AGBL1: variants seen among roughly 807,000 people sequenced by gnomAD.
AGBL1 encodes the protein cytosolic carboxypeptidase 4.
AGBL1 carries 130 observed loss-of-function variants against 118.9 expected under a neutral mutation model. The ratio of observed to expected loss-of-function variants is 1.09; its 90% confidence interval spans 0.95 to 1.26. The LOEUF is 1.26. AGBL1 is among the 50% of genes most tolerant of loss of function. The probability of loss-of-function intolerance (pLI) is 0.00; values close to 1 mark genes in which losing one functional copy is unlikely to be tolerated. For synonymous variants in AGBL1, 555 were observed against 478.9 expected, an observed-to-expected ratio of 1.16 and a Z score of -2.08; for missense variants, 1,584 against 1,298.1, an observed-to-expected ratio of 1.22 and a Z score of -3.38.
At chr15:86,151,698 A>T (rs2077113563) in intron 3 of AGBL1, among the ~76,000 whole-genome samples, 1 of 152,228 alleles carries the variant, frequency 6.6e-6, no homozygotes, top group Non-Finnish European at 1.5e-5. Context: ...AGAGAAAGAA[A>T]TAAAGAGTAT....
At chr15:86,634,049 AAGAC>A (rs200050615) in intron 21 of AGBL1, among the ~76,000 whole-genome samples, 3,112 of 152,132 alleles carry the variant, frequency 0.02, 54 homozygotes, top group Non-Finnish European at 0.026. Context: ...CTGAAATAAA[AAGAC>A]AGAAAATAGC....
chr15:86,344,163 G>A (rs969237021), intron 17 of AGBL1, among the ~76,000 whole-genome samples: 5 of 152,178 alleles, frequency 3.3e-5, no homozygotes, highest in African/African-American at 1.2e-4. Flanking sequence ...TGGGCTGGAG[G>A]GGCATGGCTC....
chr15:86,793,451 A>G (rs1267057567), intron 22 of AGBL1, among the ~76,000 whole-genome samples: 1 of 152,214 alleles, frequency 6.6e-6, no homozygotes, highest in East Asian at 1.9e-4. Context: ...ACCTTACCTC[A>G]CACCATTTAC....
chr15:86,546,097 G>A lies in AGBL1; in HGVS notation c.2781G>A (p.Val927=). ...CCTTGTGGCAAGCAGCATGCACTGTGGGCACATCTACTATCCTAGAGGAGG... is the reference window on the plus strand; with the variant it reads ...CCTTGTGGCAAGCAGCATGCACTGTAGGCACATCTACTATCCTAGAGGAGG... ...KETLWQAACT[V]GTSTILEEVN... The change falls in exon 20 of 23, where the codon GTG becomes GTA. Residue 927 remains valine (V), a synonymous_variant. Transcript: ENST00000614907. 1.2e-6 allele frequency: 2 copies of A among 1,613,366 alleles called. No individual in the cohort carries two copies. Among genetic ancestry groups the A allele is most frequent in the Non-Finnish European group, 1.7e-6 (2 of 1,179,550 alleles).
intron 21 of AGBL1, chr15:86,556,216 T>C: frequency 1.2e-6 from 2 of 1,611,166 alleles, no homozygotes; most frequent in Non-Finnish European, 1.7e-6. Context: ...AACTCTCTAC[T>C]GTGCAGTGTA....
At chr15:86,396,165 AATC>A (rs2081358339) in intron 17 of AGBL1, among the ~76,000 whole-genome samples, 1 of 143,042 alleles carries the variant, frequency 7.0e-6, no homozygotes, top group Non-Finnish European at 1.5e-5. Context: ...ATATATATAA[AATC>A]ATATATTCAT....
At chr15:86,589,204 C>A (rs1204431296) in intron 21 of AGBL1, among the ~76,000 whole-genome samples, 3 of 152,080 alleles carry the variant, frequency 2.0e-5, no homozygotes, top group South Asian at 2.1e-4. Context: ...GTGATCAACT[C>A]ACAGGTTGGT....
intron 23 of AGBL1, among the ~76,000 whole-genome samples, chr15:86,931,693 G>C (rs2080607658): frequency 6.6e-6 from 1 of 151,952 alleles, no homozygotes; most frequent in South Asian, 2.1e-4. Flanking sequence ...GTATGTGTGT[G>C]GTGTGAGGTG....
In AGBL1 at chr15:86,698,625, T is replaced by TTA. The variant is rs746434101; in HGVS notation, c.3158+24189_3158+24190insTA. ...GCTGATCATTGTTTTTTTTTTTTTTTAAAAAGAGACCAACAGGATTTATGG... is the reference window on the plus strand; with the variant it reads ...GCTGATCATTGTTTTTTTTTTTTTTTTAAAAAAGAGACCAACAGGATTTATGG... On this transcript the variant is annotated intron_variant, in intron 22 of 22. Coordinates refer to ENST00000614907, the MANE Select transcript of AGBL1 (RefSeq NM_001386094.1). 8.2e-4 allele frequency among the ~76,000 whole-genome samples: 124 copies of TTA among 150,750 alleles called. 1 individual carries two copies. The East Asian group carries it at 0.022, about 27-fold the overall frequency.
chr15:86,227,641 C>A (rs1329741586), intron 6 of AGBL1, among the ~76,000 whole-genome samples: 1 of 152,248 alleles, frequency 6.6e-6, no homozygotes, highest in Non-Finnish European at 1.5e-5. Flanking sequence ...TTTGGGTACA[C>A]ACATGAGCTG....
intron 22 of AGBL1, among the ~76,000 whole-genome samples, chr15:86,853,150 TC>T (rs745358293): frequency 2.8e-4 from 43 of 152,214 alleles, no homozygotes; most frequent in Admixed American, 5.9e-4. Context: ...AGATGACCAG[TC>T]AAGTTTTAGA....
At chr15:86,525,917 G>T (rs2083256394) in intron 19 of AGBL1, among the ~76,000 whole-genome samples, 1 of 152,046 alleles carries the variant, frequency 6.6e-6, no homozygotes, top group Admixed American at 6.5e-5. Context: ...AAATAACAGA[G>T]TAAACAGACA....
intron 3 of AGBL1, among the ~76,000 whole-genome samples, chr15:86,145,013 T>C (rs905273413): frequency 2.0e-5 from 3 of 152,104 alleles, no homozygotes; most frequent in Non-Finnish European, 4.4e-5. Flanking sequence ...CCTCTGAGGG[T>C]TGCCAGAAAT....
intron 23 of AGBL1, among the ~76,000 whole-genome samples, chr15:86,954,679 G>A (rs1374217996): frequency 6.6e-6 from 1 of 152,108 alleles, no homozygotes; most frequent in Non-Finnish European, 1.5e-5. Flanking sequence ...AGCATGGTTA[G>A]AAAAACTACC....
intron 22 of AGBL1, among the ~76,000 whole-genome samples, chr15:86,754,390 A>G (rs2077902635): frequency 6.6e-6 from 1 of 152,114 alleles, no homozygotes; most frequent in African/African-American, 2.4e-5. Flanking sequence ...CAATCAAACA[A>G]TATTGATTGA....
intron 5 of AGBL1, among the ~76,000 whole-genome samples, chr15:86,210,511 C>T (rs1396156487): frequency 6.6e-6 from 1 of 152,022 alleles, no homozygotes; most frequent in African/African-American, 2.4e-5. Flanking sequence ...CTTTGTTCGT[C>T]GCTTTTTACT....
In AGBL1 at chr15:86,196,925, ACG is replaced by A. The variant is rs1491580871; in HGVS notation, c.489-27988_489-27987del. On this transcript the variant is annotated intron_variant, in intron 5 of 22. Coordinates refer to ENST00000614907, the MANE Select transcript of AGBL1 (RefSeq NM_001386094.1). ...CACACACACACACACACACACACAC[ACG>A]AAAGGCCATATGAGGACATGCTGAG... is the stretch of plus-strand genomic sequence containing the variant. 1.1e-3 allele frequency among the ~76,000 whole-genome samples: 160 copies of A among 149,210 alleles called. 1 individual carries two copies. Among genetic ancestry groups the A allele is most frequent in the African/African-American group, 3.8e-3 (152 of 40,518 alleles).
At chr15:86,106,362 GA>G (rs1337288640) in intron 1 of AGBL1, among the ~76,000 whole-genome samples, 1 of 152,204 alleles carries the variant, frequency 6.6e-6, no homozygotes, top group Non-Finnish European at 1.5e-5. Flanking sequence ...GGAGCATGGA[GA>G]AGGAGGGTTG....
intron 18 of AGBL1, among the ~76,000 whole-genome samples, chr15:86,500,894 A>G (rs889628857): frequency 2.0e-5 from 3 of 151,724 alleles, no homozygotes; most frequent in Admixed American, 2.0e-4. Flanking sequence ...GTTATTCATC[A>G]TCAGTTGATG....
Sources: allele counts gnomAD v4.1 joint callset (sites outside exome capture counted in the v4.1 genomes callset), GRCh38; gene constraint gnomAD v4.1.1; transcripts MANE v1.5; gene names NCBI Gene and HGNC (gene_info 2026-07-23, HGNC 2026-07-21).